WIPF1: variants seen among roughly 807,000 people sequenced by gnomAD.
WIPF1 encodes the protein WAS/WASL-interacting protein family member 1.
In WIPF1, 13 loss-of-function variants were observed where a neutral mutation model predicts 35.4. The observed-to-expected ratio is 0.37, with a 90% CI of 0.24 to 0.58. The LOEUF is 0.58. Among genes scored for constraint, WIPF1 ranks in the 20% least tolerant of loss-of-function variants. WIPF1 has a pLI of 0.74. For synonymous variants in WIPF1, 267 were observed against 266.3 expected (o/e 1.00, Z -0.02); for missense variants, 591 against 667.0 (o/e 0.89, Z 1.25).
intron 1 of WIPF1, among the ~76,000 whole-genome samples, chr2:174,672,340 G>A (rs1008630657): frequency 6.6e-6 from 1 of 152,186 alleles, no homozygotes; most frequent in African/African-American, 2.4e-5. Flanking sequence ...TACCTGGACA[G>A]CATCTGGCTC....
intron 1 of WIPF1, among the ~76,000 whole-genome samples, chr2:174,628,215 G>C (rs1043252480): frequency 1.3e-5 from 2 of 152,170 alleles, no homozygotes; most frequent in African/African-American, 4.8e-5. Context: ...CTGAGCTAAT[G>C]GTACCCAGGA....
intron 1 of WIPF1, among the ~76,000 whole-genome samples, chr2:174,631,760 C>T (rs190379029): frequency 6.6e-6 from 1 of 152,282 alleles, no homozygotes; most frequent in Admixed American, 6.5e-5. Context: ...CAACTCAAAA[C>T]GATACCAAGG....
chr2:174,575,342 A>AGCC lies in WIPF1; in HGVS notation c.217_219dup (p.Gly73dup), dbSNP rs1685017829. The AGCC allele has an allele frequency of 3.7e-6, 6 of 1,613,202 alleles. No individual in the cohort carries two copies. Among genetic ancestry groups the AGCC allele is most frequent in the Non-Finnish European group, 3.4e-6 (4 of 1,179,722 alleles). ...CCGCCAAATCCGCCGCCTCCACCAA[A>AGCC]GCCACCACCACCGCCTCCAGCACCA... is the stretch of plus-strand genomic sequence containing the variant. On this transcript the variant is annotated inframe_insertion, in exon 4 of 8. Coordinates refer to ENST00000679041, the MANE Select transcript of WIPF1 (RefSeq NM_001375834.1).
intron 3 of WIPF1, 77 bp from the exon 4 acceptor site, chr2:174,575,457 G>A: frequency 6.8e-7 from 1 of 1,464,240 alleles, no homozygotes; most frequent in Non-Finnish European, 9.0e-7. Flanking sequence ...AGTACAACAG[G>A]GAGCTGGCCG....
At chr2:174,621,613 A>G (rs1686677444) in intron 1 of WIPF1, among the ~76,000 whole-genome samples, 1 of 152,140 alleles carries the variant, frequency 6.6e-6, no homozygotes, top group Admixed American at 6.5e-5. Flanking sequence ...GCAATTTTCT[A>G]ATAGCCACAT....
chr2:174,663,169 G>A (rs1687815105), intron 1 of WIPF1, among the ~76,000 whole-genome samples: 1 of 152,168 alleles, frequency 6.6e-6, no homozygotes, highest in African/African-American at 2.4e-5. Flanking sequence ...CACAGCTGAG[G>A]CTTTGTGAGC....
intron 2 of WIPF1, among the ~76,000 whole-genome samples, chr2:174,584,345 GTTC>G (rs1214212084): frequency 2.6e-5 from 4 of 152,160 alleles, no homozygotes; most frequent in Non-Finnish European, 5.9e-5. Flanking sequence ...TTAATAGGCA[GTTC>G]TTCTCACTAG....
intron 1 of WIPF1, among the ~76,000 whole-genome samples, chr2:174,654,683 T>A (rs1164547174): frequency 6.6e-6 from 1 of 151,994 alleles, no homozygotes; most frequent in Non-Finnish European, 1.5e-5. Context: ...TTCTTAACTC[T>A]CTTCTGACTA....
intron 1 of WIPF1, among the ~76,000 whole-genome samples, chr2:174,664,921 C>G (rs1389198667): frequency 6.6e-6 from 1 of 152,044 alleles, no homozygotes; most frequent in African/African-American, 2.4e-5. Flanking sequence ...GTATGAGCCA[C>G]CGCGCCAGGC....
At chr2:174,596,761 C>T (rs996088268) in intron 1 of WIPF1, among the ~76,000 whole-genome samples, 2 of 152,170 alleles carry the variant, frequency 1.3e-5, no homozygotes, top group Non-Finnish European at 2.9e-5. Flanking sequence ...AAAACTTGTA[C>T]TTAGTGACTA....
At chr2:174,564,899 CTTTTTTT>C (rs112201736) in intron 7 of WIPF1, among the ~76,000 whole-genome samples, 2 of 140,922 alleles carry the variant, frequency 1.4e-5, no homozygotes, top group African/African-American at 2.6e-5. Context: ...TTCACTAACA[CTTTTTTT>C]TTTTTTTTGA....
At chr2:174,602,430 C>T (rs1460683205), upstream of WIPF1, among the ~76,000 whole-genome samples, 1 of 152,188 alleles carries the variant, frequency 6.6e-6, no homozygotes, top group Non-Finnish European at 1.5e-5. Flanking sequence ...TGTTATGGTG[C>T]AGTATTTCCC....
chr2:174,647,529 A>G (rs1175539884), intron 1 of WIPF1, among the ~76,000 whole-genome samples: 2 of 151,870 alleles, frequency 1.3e-5, no homozygotes, highest in East Asian at 3.9e-4. Flanking sequence ...GCGTGCCACT[A>G]TGCCTGGCTA....
At chr2:174,663,677 G>A (rs1315964180) in intron 1 of WIPF1, among the ~76,000 whole-genome samples, 1 of 152,204 alleles carries the variant, frequency 6.6e-6, no homozygotes, top group Non-Finnish European at 1.5e-5. Flanking sequence ...AAGTCACTGT[G>A]GGAGGAAAAC....
chr2:174,637,201 GT>G (rs1250470922), intron 1 of WIPF1, among the ~76,000 whole-genome samples: 3 of 151,890 alleles, frequency 2.0e-5, no homozygotes, highest in African/African-American at 7.3e-5. Context: ...CTTACCATTG[GT>G]TTCTGTGCTC....
intron 1 of WIPF1, among the ~76,000 whole-genome samples, chr2:174,652,096 GTATA>G (rs1254292534): frequency 2.0e-5 from 3 of 152,178 alleles, no homozygotes; most frequent in Non-Finnish European, 4.4e-5. Flanking sequence ...CGAGGCAGAA[GTATA>G]GCTTTTTATG....
intron 2 of WIPF1, among the ~76,000 whole-genome samples, chr2:174,583,637 A>G (rs191731345): frequency 6.6e-6 from 1 of 152,294 alleles, no homozygotes; most frequent in East Asian, 1.9e-4. Flanking sequence ...AACTTCAAGC[A>G]TTCTGGTATA....
At chr2:174,591,571 T>C (rs896815699) in intron 1 of WIPF1, among the ~76,000 whole-genome samples, 12 of 152,128 alleles carry the variant, frequency 7.9e-5, no homozygotes, top group Non-Finnish European at 1.5e-4. Flanking sequence ...GATCTAGCAA[T>C]AACCCTTTCG....
At chr2:174,593,793 G>A (rs1350372641) in intron 1 of WIPF1, among the ~76,000 whole-genome samples, 1 of 152,160 alleles carries the variant, frequency 6.6e-6, no homozygotes, top group African/African-American at 2.4e-5. Flanking sequence ...CCCCCAGCAT[G>A]TGGTCTGGCC....
Sources: allele counts gnomAD v4.1 joint callset (sites outside exome capture counted in the v4.1 genomes callset), GRCh38; gene constraint gnomAD v4.1.1; transcripts MANE v1.5; gene names NCBI Gene and HGNC (gene_info 2026-07-23, HGNC 2026-07-21).